Variants in CHSY3 observed in about 807,000 individuals in gnomAD.
CHSY3 encodes the protein chondroitin sulfate synthase 3.
In CHSY3, 35 loss-of-function variants were observed where a neutral mutation model predicts 67.2. The ratio of observed to expected loss-of-function variants is 0.52; its 90% CI spans 0.40 to 0.69. The LOEUF (loss-of-function observed/expected upper bound fraction) is 0.69. CHSY3 is among the 30% of genes least tolerant of loss of function. The probability of loss-of-function intolerance (pLI) is 0.00; values close to 1 mark genes in which losing one functional copy is unlikely to be tolerated. For missense variants in CHSY3, 1,069 were observed against 1,138.5 expected (o/e 0.94, Z 0.88); for synonymous variants, 474 against 434.7 (o/e 1.09, Z -1.12).
intron 2 of CHSY3, among the ~76,000 whole-genome samples, chr5:130,143,754 A>ATGTG (rs1317367198): frequency 8.7e-6 from 1 of 115,468 alleles, no homozygotes; most frequent in African/African-American, 4.0e-5. Flanking sequence ...ATATATATAT[A>ATGTG]TATGTGTGTG....
At chr5:130,051,827 A>G (rs1430734438) in intron 2 of CHSY3, among the ~76,000 whole-genome samples, 1 of 152,074 alleles carries the variant, frequency 6.6e-6, no homozygotes, top group African/African-American at 2.4e-5. Flanking sequence ...CAGACGTTAG[A>G]ATTTGAGTTG....
At chr5:129,943,437 T>G (rs1011465119) in intron 2 of CHSY3, among the ~76,000 whole-genome samples, 1 of 152,234 alleles carries the variant, frequency 6.6e-6, no homozygotes, top group Non-Finnish European at 1.5e-5. Flanking sequence ...TCAGTTCAAA[T>G]TTTATTGGTT....
chr5:130,000,032 A>G (rs948801233), intron 2 of CHSY3, among the ~76,000 whole-genome samples: 7 of 152,222 alleles, frequency 4.6e-5, no homozygotes, highest in Non-Finnish European at 7.3e-5. Context: ...AAATTTCAGC[A>G]TATCTCAGAA....
chr5:130,153,169 T>C (rs1769278007), intron 2 of CHSY3, among the ~76,000 whole-genome samples: 1 of 152,052 alleles, frequency 6.6e-6, no homozygotes, highest in Non-Finnish European at 1.5e-5. Flanking sequence ...AGGCGGAGGT[T>C]GCAGTGAGGC....
At chr5:130,024,773 T>C (rs1244230331) in intron 2 of CHSY3, among the ~76,000 whole-genome samples, 1 of 152,158 alleles carries the variant, frequency 6.6e-6, no homozygotes, top group Non-Finnish European at 1.5e-5. Flanking sequence ...GATAGACTAA[T>C]TCAGACTGCT....
At chr5:130,145,792 A>G (rs1449024928) in intron 2 of CHSY3, among the ~76,000 whole-genome samples, 1 of 152,162 alleles carries the variant, frequency 6.6e-6, no homozygotes, top group African/African-American at 2.4e-5. Flanking sequence ...TGGACAAATG[A>G]TATTAATAGA....
At chr5:130,165,785 A>C (rs1333062656) in intron 2 of CHSY3, among the ~76,000 whole-genome samples, 1 of 151,960 alleles carries the variant, frequency 6.6e-6, no homozygotes, top group Non-Finnish European at 1.5e-5. Context: ...ATCTAAATTT[A>C]TTTTTTCCTT....
chr5:130,143,165 T>C (rs1317211940), intron 2 of CHSY3, among the ~76,000 whole-genome samples: 5 of 152,196 alleles, frequency 3.3e-5, no homozygotes, highest in Admixed American at 3.3e-4. Flanking sequence ...GCCTTACCCA[T>C]AAAGAGCTAG....
chr5:129,936,054 A>G lies in CHSY3; in HGVS notation c.1086+27694A>G, dbSNP rs1486581307. ...ACTGATTAAATGGTAATCTATATTT[A>G]TAGTGTTTTAAACCTTTAATTAATA... is the stretch of plus-strand genomic sequence containing the variant. On this transcript the variant is annotated intron_variant, in intron 2 of 2. Transcript: ENST00000305031. Among the ~76,000 whole-genome samples, 5 of 152,336 alleles carry G rather than the reference A, an allele frequency of 3.3e-5. No homozygotes were observed. The East Asian group carries it at 7.7e-4, about 23-fold the overall frequency.
rs996378544 is a variant in CHSY3 at position 130,185,761 on chromosome 5, A to G, written c.2619A>G (p.Leu873=). 1 of 1,607,846 alleles carries G rather than the reference A, an allele frequency of 6.2e-7. No homozygotes were observed. Among genetic ancestry groups the G allele is most frequent in the Non-Finnish European group, 8.5e-7 (1 of 1,175,926 alleles). Residue 873 remains leucine, a synonymous_variant, in exon 3 of 3, where the codon TTA becomes TTG. Transcript: ENST00000305031. The part of the protein sequence containing the change: ...QLAELWLEKH[L]GVRYNRTLS ...CTGAACTCTGGCTTGAAAAACATTT[A>G]GGTGTCAGGTACAATCGAACTCTCT...
chr5:130,184,263 A>G lies in CHSY3; in HGVS notation c.1121A>G (p.Asn374Ser), dbSNP rs765897274. ...QQLFHENYEHNRKGYIQDLHN... is the reference protein window; with the variant it reads ...QQLFHENYEHSRKGYIQDLHN... ...CTGTTCCATGAAAATTATGAACACA[A>G]TCGGAAGGGTTACATCCAAGACCTT... Residue 374 changes from asparagine (N) to serine (S), a missense_variant, in exon 3 of 3, where the codon AAT becomes AGT. By Grantham distance (46) the Asn-to-Ser change is conservative (BLOSUM62 1). Coordinates refer to ENST00000305031, the MANE Select transcript of CHSY3 (RefSeq NM_175856.5). The G allele has an allele frequency of 1.8e-5, 29 of 1,592,152 alleles. No homozygotes were observed. Among genetic ancestry groups the G allele is most frequent in the Admixed American group, 1.6e-4 (9 of 57,260 alleles).
At chr5:129,996,137 CA>C (rs552117280) in intron 2 of CHSY3, among the ~76,000 whole-genome samples, 170 of 152,240 alleles carry the variant, frequency 1.1e-3, no homozygotes, top group Non-Finnish European at 1.9e-3. Context: ...ATACACTTGT[CA>C]GAGTGATTTT....
chr5:129,998,736 A>T (rs532817433), intron 2 of CHSY3, among the ~76,000 whole-genome samples: 2 of 150,158 alleles, frequency 1.3e-5, no homozygotes, highest in African/African-American at 4.9e-5. Flanking sequence ...AAATCTATGT[A>T]TTTTTTTTTG....
At chr5:129,945,935 C>T (rs1233828334) in intron 2 of CHSY3, among the ~76,000 whole-genome samples, 1 of 151,896 alleles carries the variant, frequency 6.6e-6, no homozygotes, top group Middle Eastern at 3.2e-3. Flanking sequence ...TGAGCTCTGA[C>T]TCAGAGAAAA....
chr5:130,150,067 C>A (rs1769189923), intron 2 of CHSY3, among the ~76,000 whole-genome samples: 1 of 152,016 alleles, frequency 6.6e-6, no homozygotes, highest in African/African-American at 2.4e-5. Flanking sequence ...ATTTTGACAA[C>A]TTTTAAAATA....
intron 2 of CHSY3, among the ~76,000 whole-genome samples, chr5:129,923,028 G>A (rs73785812): frequency 0.023 from 3,510 of 152,304 alleles, 124 homozygotes; most frequent in African/African-American, 0.08. Flanking sequence ...AGCATAGAAG[G>A]ATGTATTGGA....
chr5:129,935,044 C>T (rs1316852108), intron 2 of CHSY3, among the ~76,000 whole-genome samples: 1 of 152,126 alleles, frequency 6.6e-6, no homozygotes, highest in Non-Finnish European at 1.5e-5. Context: ...ACAAGAAGGA[C>T]ATTTCTCGTA....
intron 2 of CHSY3, among the ~76,000 whole-genome samples, chr5:130,145,338 G>T (rs1205319447): frequency 6.6e-6 from 1 of 152,108 alleles, no homozygotes; most frequent in Non-Finnish European, 1.5e-5. Flanking sequence ...CAAGAACACA[G>T]TTAGGGAAGA....
intron 2 of CHSY3, among the ~76,000 whole-genome samples, chr5:130,070,638 T>C (rs766468735): frequency 6.6e-6 from 1 of 152,134 alleles, no homozygotes; most frequent in Non-Finnish European, 1.5e-5. Flanking sequence ...GAAATAATTT[T>C]AAGGTTAATA....
Sources: allele counts gnomAD v4.1 joint callset (sites outside exome capture counted in the v4.1 genomes callset), GRCh38; gene constraint gnomAD v4.1.1; transcripts MANE v1.5; gene names NCBI Gene and HGNC (gene_info 2026-07-23, HGNC 2026-07-21).